The following NAALADL2 variants were observed in gnomAD, a reference collection of about 807,000 sequenced individuals.
The protein encoded by NAALADL2 is N-acetylated alpha-linked acidic dipeptidase like 2, also known as inactive N-acetylated-alpha-linked acidic dipeptidase-like protein 2.
In NAALADL2, 76 loss-of-function variants were observed where a neutral mutation model predicts 87.2. The ratio of observed to expected loss-of-function variants is 0.87; its 90% confidence interval spans 0.72 to 1.05. NAALADL2 has a LOEUF of 1.05. Among genes scored for constraint, NAALADL2 ranks in the 50% least tolerant of loss-of-function variants. The pLI is 0.00. For missense variants in NAALADL2, 1,089 were observed against 945.8 expected, an observed-to-expected ratio of 1.15 and a Z score of -1.99; for synonymous variants, 354 against 331.0, an observed-to-expected ratio of 1.07 and a Z score of -0.75.
At chr3:174,652,640 T>C (rs1724490743) in intron 2 of NAALADL2, among the ~76,000 whole-genome samples, 1 of 151,978 alleles carries the variant, frequency 6.6e-6, no homozygotes, top group African/African-American at 2.4e-5. Context: ...CTCCCACAGG[T>C]CCCTCCCACA....
chr3:174,684,446 T>C (rs934043007), intron 2 of NAALADL2, among the ~76,000 whole-genome samples: 1 of 152,146 alleles, frequency 6.6e-6, no homozygotes, highest in South Asian at 2.1e-4. Flanking sequence ...CTTTACAAAA[T>C]TGAATTTCAT....
chr3:175,782,821 G>T (rs1324260570), intron 13 of NAALADL2, among the ~76,000 whole-genome samples: 7 of 147,252 alleles, frequency 4.8e-5, no homozygotes, highest in Admixed American at 4.6e-4. Context: ...TTTTCTTCTA[G>T]GTTTTTTATG....
intron 2 of NAALADL2, among the ~76,000 whole-genome samples, chr3:174,730,153 T>C (rs995977646): frequency 3.9e-5 from 6 of 152,098 alleles, no homozygotes; most frequent in African/African-American, 7.2e-5. Flanking sequence ...CTACTGTCCT[T>C]CTAAGTAGGG....
chr3:174,666,720 A>G (rs932107723), intron 2 of NAALADL2, among the ~76,000 whole-genome samples: 2 of 152,196 alleles, frequency 1.3e-5, no homozygotes, highest in Admixed American at 1.3e-4. Flanking sequence ...AAAATTTACC[A>G]TCTTTAAGTC....
rs1178943485 is a variant in NAALADL2 at position 175,607,355 on chromosome 3, A to G, written c.1801-19936A>G. On this transcript the variant is annotated intron_variant, in intron 10 of 13. Transcript: ENST00000454872. ...CATGAATGATAGTAGTATGTGTATA[A>G]TTCATAATTATGCTTTTTTCCTTCC... 2.0e-5 allele frequency among the ~76,000 whole-genome samples: 3 copies of G among 152,198 alleles called. No individual in the cohort carries two copies. The East Asian group carries it at 5.8e-4, about 29-fold the overall frequency.
At chr3:175,750,582 T>G (rs1033304077) in intron 12 of NAALADL2, among the ~76,000 whole-genome samples, 1 of 152,148 alleles carries the variant, frequency 6.6e-6, no homozygotes, top group African/African-American at 2.4e-5. Flanking sequence ...GGAAAGACAT[T>G]AATAATGTTT....
intron 2 of NAALADL2, among the ~76,000 whole-genome samples, chr3:174,619,714 A>G (rs2108662164): frequency 6.6e-6 from 1 of 152,042 alleles, no homozygotes; most frequent in Admixed American, 6.5e-5. Context: ...TGCTTTCTTA[A>G]TCTATTTGTA....
chr3:174,773,275 A>G, intron 3 of NAALADL2, among the ~76,000 whole-genome samples: 1 of 152,160 alleles, frequency 6.6e-6, no homozygotes, highest in Admixed American at 6.6e-5. Context: ...AATATCCCAC[A>G]AGCTAAAAAA....
chr3:174,459,218 T>A (rs1577956969), intron 1 of NAALADL2: 1 of 152,206 alleles, frequency 6.6e-6, no homozygotes, highest in African/African-American at 2.4e-5. Flanking sequence ...TTTGTTTGTT[T>A]TGCTTTGTTT....
intron 11 of NAALADL2, among the ~76,000 whole-genome samples, chr3:175,644,165 A>G (rs4468987): frequency 0.28 from 42,429 of 151,896 alleles, 7,106 homozygotes; most frequent in African/African-American, 0.48. Context: ...GATTTGCAGC[A>G]GATATTTATA....
At chr3:174,743,990 T>A (rs2109017397) in intron 3 of NAALADL2, among the ~76,000 whole-genome samples, 1 of 152,000 alleles carries the variant, frequency 6.6e-6, no homozygotes, top group Non-Finnish European at 1.5e-5. Flanking sequence ...ATTTTTTGCA[T>A]TTTCTTTGGT....
intron 1 of NAALADL2, among the ~76,000 whole-genome samples, chr3:175,035,803 A>T (rs970294832): frequency 5.9e-5 from 9 of 152,092 alleles, no homozygotes; most frequent in African/African-American, 2.2e-4. Flanking sequence ...CCAATATCAG[A>T]CTCATTTGGG....
At chr3:175,223,722 AAAAG>A (rs1214668940) in intron 2 of NAALADL2, among the ~76,000 whole-genome samples, 3 of 152,172 alleles carry the variant, frequency 2.0e-5, no homozygotes, top group African/African-American at 7.2e-5. Flanking sequence ...TTTTGAATTA[AAAAG>A]AAAGATGTCA....
intron 1 of NAALADL2, among the ~76,000 whole-genome samples, chr3:174,509,204 A>G (rs1719421319): frequency 6.6e-6 from 1 of 151,854 alleles, no homozygotes; most frequent in Admixed American, 6.6e-5. Flanking sequence ...TGTTTCTTAG[A>G]GAGAAAGCAT....
intron 1 of NAALADL2, among the ~76,000 whole-genome samples, chr3:174,489,463 A>G (rs554287400): frequency 8.5e-5 from 13 of 152,200 alleles, no homozygotes; most frequent in African/African-American, 3.1e-4. Flanking sequence ...CAATAGCACA[A>G]ACAACAAAAG....
At chr3:174,899,523 C>A (rs577263680) in intron 1 of NAALADL2, among the ~76,000 whole-genome samples, 2 of 152,262 alleles carry the variant, frequency 1.3e-5, no homozygotes, top group South Asian at 2.1e-4. Context: ...CTCTCTCTTG[C>A]TTCTGCTCTG....
At chr3:175,058,215 A>G (rs1712640469) in intron 1 of NAALADL2, among the ~76,000 whole-genome samples, 2 of 152,216 alleles carry the variant, frequency 1.3e-5, no homozygotes, top group Admixed American at 6.5e-5. Context: ...CTTTAGGCAC[A>G]ATGTGGAAAC....
At chr3:174,840,502 T>A (rs1336173948) in intron 3 of NAALADL2, among the ~76,000 whole-genome samples, 5 of 152,140 alleles carry the variant, frequency 3.3e-5, no homozygotes, top group African/African-American at 9.7e-5. Flanking sequence ...ATTTGAAGGA[T>A]ACATGGAATA....
At chr3:174,457,818 CA>C (rs111568981) in intron 1 of NAALADL2, among the ~76,000 whole-genome samples, 23,341 of 142,886 alleles carry the variant, frequency 0.16, 3,128 homozygotes, top group East Asian at 0.49. Flanking sequence ...CTCAAAAAAA[CA>C]AAAAAAAAAA....
Sources: allele counts gnomAD v4.1 joint callset (sites outside exome capture counted in the v4.1 genomes callset), GRCh38; gene constraint gnomAD v4.1.1; transcripts MANE v1.5; gene names NCBI Gene and HGNC (gene_info 2026-07-23, HGNC 2026-07-21).